RNASET2: variants seen among roughly 807,000 people sequenced by gnomAD.
RNASET2 encodes the protein ribonuclease T2.
In RNASET2, 28 loss-of-function variants were observed where a neutral mutation model predicts 33.9. The ratio of observed to expected loss-of-function variants is 0.83; its 90% CI spans 0.61 to 1.13. The LOEUF is 1.13. Among genes scored for constraint, RNASET2 ranks in the 50% most tolerant of loss-of-function variants. The pLI, the probability that RNASET2 is intolerant of heterozygous loss-of-function variation, is 0.00. For synonymous variants in RNASET2, 123 were observed against 121.0 expected, an observed-to-expected ratio of 1.02 and a Z score of -0.11; for missense variants, 330 against 319.9, an observed-to-expected ratio of 1.03 and a Z score of -0.24.
At chr6:166,949,075 G>A (rs998866778) in intron 2 of RNASET2, among the ~76,000 whole-genome samples, 16 of 151,762 alleles carry the variant, frequency 1.1e-4, no homozygotes, top group Non-Finnish European at 1.0e-4. Flanking sequence ...TTAGCTGGGC[G>A]TGGTGGCAGG....
Position 166,924,179 on chromosome 6 carries a change from C to T in RNASET2, c.*5409G>A, listed in dbSNP as rs1023048597. On this transcript the variant is annotated 3_prime_UTR_variant, in exon 9 of 9. Coordinates refer to ENST00000508775, the MANE Select transcript of RNASET2 (RefSeq NM_003730.6). The stretch of plus-strand genomic sequence containing the variant: ...TGGTGTGATTTCGGCTCACTGCAAC[C>T]TCTGCCTCCTGGCTTCAAGTGATTC... Among the ~76,000 whole-genome samples, 1 of 152,186 alleles carries T rather than the reference C, an allele frequency of 6.6e-6. No individual in the cohort carries two copies. The highest frequency in any genetic ancestry group is 2.4e-5 in the African/African-American group (1 of 41,430).
At position 166,955,375 on chromosome 6, in the gene RNASET2, G is replaced by A. The variant is rs1296062494; in HGVS notation, c.86+722C>T. The A allele has an allele frequency of 8.6e-4, 197 of 228,612 alleles. 3 individuals are homozygous for A. Among genetic ancestry groups the A allele is most frequent in the African/African-American group, 5.1e-3 (63 of 12,312 alleles). 14.2% of individuals were successfully genotyped at this position (228,612 alleles called of 1,614,324 possible). ...CGCACACACACACGCACACACAAAC[G>A]CACACGCACACACACACACGCGCAC... is the stretch of plus-strand genomic sequence containing the variant. On this transcript the variant is annotated intron_variant, in intron 1 of 8. Coordinates refer to ENST00000508775, the MANE Select transcript of RNASET2 (RefSeq NM_003730.6).
intron 1 of RNASET2, chr6:166,955,783 C>G (rs138126974): frequency 9.1e-6 from 9 of 983,616 alleles, no homozygotes; most frequent in East Asian, 1.1e-4. Context: ...AGGGCTCCCC[C>G]CAACCCACTC....
At chr6:166,955,061 AT>A (rs200158725) in intron 1 of RNASET2, among the ~76,000 whole-genome samples, 2,491 of 152,298 alleles carry the variant, frequency 0.016, 54 homozygotes, top group African/African-American at 0.054. Context: ...TAACCCGATC[AT>A]TACCCAAATA....
rs544327963 is a variant in RNASET2, at chr6:166,933,220, C to T, written c.492+871G>A. On this transcript the variant is annotated intron_variant, in intron 7 of 8. Coordinates refer to ENST00000508775, the MANE Select transcript of RNASET2 (RefSeq NM_003730.6). The surrounding 1 kb of genome is among the most constrained non-coding windows in gnomAD (Gnocchi z 4.1). ...TGCAAACATTTTCCGTAAAGGTCCA[C>T]GTCGTAAATATCCCGGGATTTGTGG... 1.5e-4 allele frequency: 23 copies of T among 152,316 alleles called. 1 individual carries two copies. Among genetic ancestry groups the T allele is most frequent in the Middle Eastern group, 3.4e-3 (1 of 294 alleles). 9.4% of individuals were successfully genotyped at this position (152,316 alleles called of 1,614,324 possible). A position where few individuals can be genotyped will look rare whatever the true frequency, so the allele number is the denominator to read the frequency against.
chr6:166,931,660 TCCTCGC>T, intron 7 of RNASET2: 1 of 173,716 alleles, frequency 5.8e-6, no homozygotes, highest in Non-Finnish European at 1.2e-5. Flanking sequence ...AGGGGCCTCC[TCCTCGC>T]TCTACTGAGG....
At chr6:166,952,464 G>A in intron 2 of RNASET2, 24 bp downstream of exon 2, 1 of 1,609,728 alleles carries the variant, frequency 6.2e-7, no homozygotes, top group Non-Finnish European at 8.5e-7. Context: ...AGGCCCCAGG[G>A]CCCGTCAAGG....
At chr6:166,937,624 G>T (rs1365637663) in intron 6 of RNASET2, among the ~76,000 whole-genome samples, 1 of 152,158 alleles carries the variant, frequency 6.6e-6, no homozygotes, top group African/African-American at 2.4e-5. Context: ...GTTTCTTAGT[G>T]TATATACCTG....
Position 166,946,727 on chromosome 6 carries a change from A to C in RNASET2, c.216T>G (p.Ser72Arg). 1 of 1,566,964 alleles carries C rather than the reference A, an allele frequency of 6.4e-7. No individual in the cohort carries two copies. Among genetic ancestry groups the C allele is most frequent in the Non-Finnish European group, 8.7e-7 (1 of 1,147,914 alleles). Residue 72 changes from serine to arginine, a missense_variant, in exon 4 of 9, where the codon AGT becomes AGG. Coordinates refer to ENST00000508775, the MANE Select transcript of RNASET2 (RefSeq NM_003730.6). ...WTIHGLWPDK[S>R]EGCNRSWPFN... ...AGGGCCACGATCTATTACATCCTTC[A>C]CTTTTATCGGGCCTGGAAATTCAAA...
rs747467734 is a variant in RNASET2, at chr6:166,928,879, A to T, written c.*709T>A. Among the ~76,000 whole-genome samples the T allele has an allele frequency of 2.0e-5, 3 of 152,236 alleles. No individual in the cohort carries two copies. Among genetic ancestry groups the T allele is most frequent in the Non-Finnish European group, 4.4e-5 (3 of 68,036 alleles). On this transcript the variant is annotated 3_prime_UTR_variant, in exon 9 of 9. Coordinates refer to ENST00000508775, the MANE Select transcript of RNASET2 (RefSeq NM_003730.6). ...GCTCCATGTACATTTCTAAATAGATACCAGTGCAGGGACCTGGCTACCCTC... is the reference window on the plus strand; with the variant it reads ...GCTCCATGTACATTTCTAAATAGATTCCAGTGCAGGGACCTGGCTACCCTC...
intron 1 of RNASET2, 69 bp downstream of exon 1, chr6:166,956,028 C>G: frequency 2.8e-6 from 4 of 1,446,222 alleles, no homozygotes; most frequent in Non-Finnish European, 3.8e-6. Flanking sequence ...AGAGCTGCAG[C>G]CTTCACCCAG....
intron 6 of RNASET2, chr6:166,934,354 C>A (rs1778516811): frequency 3.5e-6 from 2 of 565,092 alleles, no homozygotes; most frequent in South Asian, 2.0e-5. Context: ...CTGCTCCAGG[C>A]AGGTACCCTT....
Position 166,942,586 on chromosome 6 carries a change from C to T in RNASET2, c.332+433G>A, listed in dbSNP as rs193118918. 7.2e-5 allele frequency among the ~76,000 whole-genome samples: 11 copies of T among 152,164 alleles called. No individual in the cohort carries two copies. In the East Asian group the frequency reaches 7.8e-4, roughly 11 times the overall value. On this transcript the variant is annotated intron_variant, in intron 5 of 8. Coordinates refer to ENST00000508775, the MANE Select transcript of RNASET2 (RefSeq NM_003730.6). ...AACCTTGATCTCCCGGGACCACAGC[C>T]GCACAATACCACATCTAGCTGACCT...
At chr6:166,938,460 C>G (rs757756486) in intron 6 of RNASET2, 4 of 501,244 alleles carry the variant, frequency 8.0e-6, no homozygotes. Context: ...CTTAAAGAAC[C>G]CTGGCCCACA....
At chr6:166,955,071 TAGAA>T (rs1049261557) in intron 1 of RNASET2, among the ~76,000 whole-genome samples, 32 of 152,096 alleles carry the variant, frequency 2.1e-4, no homozygotes, top group Non-Finnish European at 8.8e-5. Flanking sequence ...ATTACCCAAA[TAGAA>T]AGAAATAATA....
At chr6:166,945,809 A>G (rs1314245525) in intron 4 of RNASET2, among the ~76,000 whole-genome samples, 2 of 150,880 alleles carry the variant, frequency 1.3e-5, no homozygotes, top group East Asian at 1.9e-4. Flanking sequence ...CAGCCTGGGC[A>G]ACAAGAGCAA....
Position 166,929,278 on chromosome 6 carries a change from C to T in RNASET2, c.*310G>A, listed in dbSNP as rs145635776. ...ACTCGAGCAAGAGAGTCCCCTGAAT[C>T]GGTGCCATCTGTCTAAATTCCAAGT... On this transcript the variant is annotated 3_prime_UTR_variant, in exon 9 of 9. Transcript: ENST00000508775. Among the ~76,000 whole-genome samples the T allele has an allele frequency of 2.5e-3, 383 of 152,196 alleles. 4 individuals are homozygous for T. The highest frequency in any genetic ancestry group is 8.8e-3 in the African/African-American group (365 of 41,522).
chr6:166,941,411 G>T (rs1778688779), intron 5 of RNASET2, among the ~76,000 whole-genome samples: 1 of 152,172 alleles, frequency 6.6e-6, no homozygotes, highest in Non-Finnish European at 1.5e-5. Context: ...ACATAACTCA[G>T]TTACCATAAA....
At position 166,924,891 on chromosome 6, in the gene RNASET2, AAG is replaced by A. The variant is rs965852343; in HGVS notation, c.*4695_*4696del. Among the ~76,000 whole-genome samples the A allele has an allele frequency of 6.6e-6, 1 of 152,212 alleles. No homozygotes were observed. Among genetic ancestry groups the A allele is most frequent in the African/African-American group, 2.4e-5 (1 of 41,444 alleles). On this transcript the variant is annotated 3_prime_UTR_variant, in exon 9 of 9. Transcript: ENST00000508775. ...CTTATGGCCATGTCCCAGTGCCTAG[AAG>A]AGAGGCGGCTCATAGGAAGGGTTGA...
Sources: gnomAD v4.1 joint callset for allele counts (sites outside exome capture counted in the v4.1 genomes callset) on GRCh38, gnomAD v4.1.1 for gene constraint, Gnocchi (gnomAD v3.1) non-coding constraint, MANE v1.5 for transcripts, NCBI Gene and HGNC (gene_info 2026-07-23, HGNC 2026-07-21) for gene names.